TTF2: variants seen among roughly 807,000 people sequenced by gnomAD.
The protein encoded by TTF2 is RNA polymerase II termination factor.
TTF2 carries 108 observed loss-of-function variants against 142.4 expected under a neutral mutation model. The ratio of observed to expected loss-of-function variants is 0.76; its 90% CI spans 0.65 to 0.89. The LOEUF (loss-of-function observed/expected upper bound fraction) is 0.89. Among genes scored for constraint, TTF2 ranks in the 40% least tolerant of loss-of-function variants. The pLI is 0.00. For synonymous variants in TTF2, 483 were observed against 506.2 expected (o/e 0.95, Z 0.61); for missense variants, 1,327 against 1,379.8 (o/e 0.96, Z 0.61).
chr1:117,076,407 C>A lies in TTF2; in HGVS notation c.1390+113C>A. 1.0e-6 allele frequency: 1 copy of A among 980,512 alleles called. No individual in the cohort carries two copies. Among genetic ancestry groups the A allele is most frequent in the Admixed American group, 2.8e-5 (1 of 35,918 alleles). The allele number at this position is 980,512 out of a possible 1,614,324, so 60.7% of individuals were successfully genotyped here. A position where few individuals can be genotyped will look rare whatever the true frequency, so the allele number is the denominator to read the frequency against. On this transcript the variant is annotated intron_variant, in intron 6 of 22. Coordinates refer to ENST00000369466, the MANE Select transcript of TTF2 (RefSeq NM_003594.4). The surrounding 1 kb of genome is among the most constrained non-coding windows in gnomAD (Gnocchi z 4.6). ...TTCATTCACTTTTCCATTTTATTAT[C>A]TGCTTCTGAGACTTCTTTCACATTA... is the stretch of plus-strand genomic sequence containing the variant.
At chr1:117,062,328 T>C in intron 2 of TTF2, 59 bp from the exon 3 acceptor site, 1 of 1,511,642 alleles carries the variant, frequency 6.6e-7, no homozygotes, top group Non-Finnish European at 9.1e-7. Flanking sequence ...GATTTGACTT[T>C]AGGATATTGA....
chr1:117,088,667 T>G, intron 12 of TTF2, 134 bp from the exon 13 acceptor site: 1 of 834,626 alleles, frequency 1.2e-6, no homozygotes, highest in Non-Finnish European at 1.8e-6. Context: ...TAATTCTTAT[T>G]TCAGTGTACC....
At position 117,093,820 on chromosome 1, in the gene TTF2, T is replaced by G. The variant is rs1648828908; in HGVS notation, c.2976+919T>G. 6.6e-6 allele frequency among the ~76,000 whole-genome samples: 1 copy of G among 152,232 alleles called. No individual in the cohort carries two copies. Among genetic ancestry groups the G allele is most frequent in the Non-Finnish European group, 1.5e-5 (1 of 68,054 alleles). On this transcript the variant is annotated intron_variant, in intron 18 of 22. Coordinates refer to ENST00000369466, the MANE Select transcript of TTF2 (RefSeq NM_003594.4). This position sits in a 1 kb window ranked among gnomAD's most constrained non-coding sequence, Gnocchi z 4.5. ...TTAATTAAATGCAGGTAATATTTAT[T>G]CACAAGTTTTCTTAACATATGTCCA...
At chr1:117,077,192 C>T (rs1472365301) in intron 7 of TTF2, among the ~76,000 whole-genome samples, 1 of 151,938 alleles carries the variant, frequency 6.6e-6, no homozygotes, top group Non-Finnish European at 1.5e-5. Context: ...TTGCAACATA[C>T]GCCCTGTGGA....
At chr1:117,072,948 T>C (rs1656712675) in intron 3 of TTF2, among the ~76,000 whole-genome samples, 1 of 152,184 alleles carries the variant, frequency 6.6e-6, no homozygotes, top group Non-Finnish European at 1.5e-5. Flanking sequence ...GTTTACATAT[T>C]TTCAGTGGAC....
chr1:117,065,988 CTTTTTTTTTTTTTTTT>C (rs544726052), intron 3 of TTF2, among the ~76,000 whole-genome samples: 2 of 97,952 alleles, frequency 2.0e-5, no homozygotes, highest in African/African-American at 9.5e-5. Context: ...CACTATATAC[CTTTTTTTTTTTTTTTT>C]TTTTTTTTTT....
chr1:117,082,161 G>A (rs1647575775), intron 10 of TTF2: 1 of 613,500 alleles, frequency 1.6e-6, no homozygotes, highest in Non-Finnish European at 2.8e-6. Context: ...CTATAAACTA[G>A]GCAGAATTTT....
intron 16 of TTF2, 54 bp downstream of exon 16, chr1:117,091,464 A>T: frequency 1.9e-6 from 3 of 1,539,200 alleles, no homozygotes; most frequent in Non-Finnish European, 2.7e-6. Context: ...GGGGATTTGG[A>T]TTCAGTAAAA....
chr1:117,066,612 G>A (rs1005614282), intron 3 of TTF2, among the ~76,000 whole-genome samples: 8 of 151,814 alleles, frequency 5.3e-5, no homozygotes, highest in South Asian at 4.1e-4. Context: ...ATGTGTTTAC[G>A]TTAAGCAGGA....
Position 117,075,855 on chromosome 1 carries a change from A to C in TTF2, c.1271A>C (p.Lys424Thr). 1 of 1,602,850 alleles carries C rather than the reference A, an allele frequency of 6.2e-7. No individual in the cohort carries two copies. Among genetic ancestry groups the C allele is most frequent in the South Asian group, 1.1e-5 (1 of 89,346 alleles). The change falls in exon 5 of 23, where the codon AAG (lysine) becomes ACG (threonine). Residue 424 changes from lysine (K) to threonine (T), a missense_variant. By Grantham distance (78) the Lys-to-Thr change is moderately conservative. Transcript: ENST00000369466. This position sits in a 1 kb window ranked among gnomAD's most constrained non-coding sequence, Gnocchi z 4.5. ...TACCTTACAACACAACTGAAACAAA[A>C]GAAGGTAACTATTGACTCGTGTTTT... ...RVYLTTQLKQ[K>T]KSTLASVNIQ...
chr1:117,075,646 G>C lies in TTF2; in HGVS notation c.1062G>C (p.Glu354Asp), dbSNP rs1656937332. 7 of 1,614,182 alleles carry C rather than the reference G, an allele frequency of 4.3e-6. No homozygotes were observed. The South Asian group carries it at 6.6e-5, about 15-fold the overall frequency. ...GREAATSSDD[E>D]EEDDVVFVSS... ...AAGCTGCCACAAGCAGTGACGACGAGGAGGAAGATGATGTTGTTTTTGTTT... is the reference window on the plus strand; with the variant it reads ...AAGCTGCCACAAGCAGTGACGACGACGAGGAAGATGATGTTGTTTTTGTTT... The change falls in exon 5 of 23, where the codon GAG becomes GAC. Residue 354 changes from glutamate (E) to aspartate (D), a missense_variant. Physicochemically the swap from Glu to Asp is conservative, Grantham distance 45. Transcript: ENST00000369466. This position sits in a 1 kb window ranked among gnomAD's most constrained non-coding sequence, Gnocchi z 4.5.
At chr1:117,098,756 A>G in intron 21 of TTF2, 77 bp from the exon 22 acceptor site, 1 of 1,256,582 alleles carries the variant, frequency 8.0e-7, no homozygotes, top group Non-Finnish European at 1.1e-6. Context: ...TGTGGGCTGG[A>G]TTTGGCCCAT....
intron 10 of TTF2, 81 bp from the exon 11 acceptor site, chr1:117,083,937 C>T (rs1034837267): frequency 7.3e-6 from 11 of 1,517,088 alleles, no homozygotes; most frequent in Admixed American, 1.7e-5. Flanking sequence ...ACAGCAAGAC[C>T]GTGTCTCCAT....
chr1:117,101,239 C>A lies in TTF2; in HGVS notation c.3345-141C>A. Reference sequence around the variant, plus strand: ...GTCAAGGTTGTTTGGATTCCTCAGACAGGGTTCTTAACTGGACCTAAGAAG... The same window carrying A: ...GTCAAGGTTGTTTGGATTCCTCAGAAAGGGTTCTTAACTGGACCTAAGAAG... On this transcript the variant is annotated intron_variant, in intron 22 of 22. Coordinates refer to ENST00000369466, the MANE Select transcript of TTF2 (RefSeq NM_003594.4). The surrounding 1 kb of genome is among the most constrained non-coding windows in gnomAD (Gnocchi z 5.9). 1 of 803,160 alleles carries A rather than the reference C, an allele frequency of 1.2e-6. No homozygotes were observed. Among genetic ancestry groups the A allele is most frequent in the Non-Finnish European group, 1.8e-6 (1 of 542,642 alleles). The allele number at this position is 803,160 out of a possible 1,614,324, so 49.8% of individuals were successfully genotyped here.
chr1:117,088,537 CAA>C (rs950791919), intron 12 of TTF2, among the ~76,000 whole-genome samples: 1 of 141,140 alleles, frequency 7.1e-6, no homozygotes. Context: ...ACTCCCATCT[CAA>C]AAAAAAAAAG....
At chr1:117,072,114 C>A (rs1334363588) in intron 3 of TTF2, among the ~76,000 whole-genome samples, 1 of 152,110 alleles carries the variant, frequency 6.6e-6, no homozygotes, top group African/African-American at 2.4e-5. Context: ...CTTAGTTCGG[C>A]AGTGGAACAG....
At chr1:117,062,814 G>A (rs929893668) in intron 3 of TTF2, among the ~76,000 whole-genome samples, 2 of 152,122 alleles carry the variant, frequency 1.3e-5, no homozygotes, top group African/African-American at 4.8e-5. Context: ...GAGTAAAAAT[G>A]GCTAAACATA....
Position 117,090,712 on chromosome 1 carries a change from C to A in TTF2, c.2588+89C>A. The A allele has an allele frequency of 9.1e-7, 1 of 1,093,912 alleles. No individual in the cohort carries two copies. The highest frequency in any genetic ancestry group is 1.3e-6 in the Non-Finnish European group (1 of 742,176). The allele number at this position is 1,093,912 out of a possible 1,614,324, so 67.8% of individuals were successfully genotyped here. On this transcript the variant is annotated intron_variant, in intron 15 of 22. Transcript: ENST00000369466. This position sits in a 1 kb window ranked among gnomAD's most constrained non-coding sequence, Gnocchi z 4.8. ...GAGTTGAAGGTCAAATTTCCACAAA[C>A]TTTATGGCATTATTGATTAGTTGGA... is the stretch of plus-strand genomic sequence containing the variant.
rs374300814 is a variant in TTF2, at chr1:117,076,726, C to T, written c.1476C>T (p.Pro492=). ...TTTGPPHLVP[P]QPLPRRGTQP... is the part of the protein sequence containing the mutation. Reference sequence around the variant, plus strand: ...CTGGCCCTCCCCACCTGGTGCCTCCCCAACCCCTTCCTCGTCGTGGTACCC... The same window carrying T: ...CTGGCCCTCCCCACCTGGTGCCTCCTCAACCCCTTCCTCGTCGTGGTACCC... The change falls in exon 7 of 23, where the codon CCC becomes CCT. Residue 492 remains proline (P), a synonymous_variant. Coordinates refer to ENST00000369466, the MANE Select transcript of TTF2 (RefSeq NM_003594.4). This position sits in a 1 kb window ranked among gnomAD's most constrained non-coding sequence, Gnocchi z 4.6. 1 of 1,614,162 alleles carries T rather than the reference C, an allele frequency of 6.2e-7. No homozygotes were observed. Among genetic ancestry groups the T allele is most frequent in the Admixed American group, 1.7e-5 (1 of 60,022 alleles).
Sources: gnomAD v4.1 joint callset for allele counts (sites outside exome capture counted in the v4.1 genomes callset) on GRCh38, gnomAD v4.1.1 for gene constraint, Gnocchi (gnomAD v3.1) non-coding constraint, MANE v1.5 for transcripts, NCBI Gene and HGNC (gene_info 2026-07-23, HGNC 2026-07-21) for gene names.